Variants in DOK7 observed in about 807,000 individuals in gnomAD.
DOK7 encodes protein Dok-7.
In DOK7, 32 loss-of-function variants were observed where a neutral mutation model predicts 30.7. The ratio of observed to expected loss-of-function variants is 1.04; its 90% confidence interval spans 0.79 to 1.40. The LOEUF is 1.40. DOK7 is among the 40% of genes most tolerant of loss of function. The pLI, the probability that DOK7 is intolerant of heterozygous loss-of-function variation, is 0.00. For missense variants in DOK7, 1,007 were observed against 699.2 expected (o/e 1.44, Z -4.97); for synonymous variants, 447 against 324.1 (o/e 1.38, Z -4.07).
intron 2 of DOK7, among the ~76,000 whole-genome samples, chr4:3,466,540 C>A (rs1726276287): frequency 6.6e-6 from 1 of 152,204 alleles, no homozygotes; most frequent in South Asian, 2.1e-4. Context: ...GGGCTGACAT[C>A]CCAGCTCCGG....
intron 2 of DOK7, among the ~76,000 whole-genome samples, chr4:3,472,839 G>A (rs891939727): frequency 6.7e-5 from 10 of 148,852 alleles, no homozygotes; most frequent in African/African-American, 2.6e-4. Context: ...CCGGGTGGAT[G>A]GGGATGGGAC....
intron 5 of DOK7, among the ~76,000 whole-genome samples, chr4:3,489,088 G>A (rs1727997602): frequency 6.6e-6 from 1 of 152,194 alleles, no homozygotes; most frequent in Non-Finnish European, 1.5e-5. Flanking sequence ...GAATAGAGAA[G>A]GCGAGGCTGG....
At chr4:3,492,645 A>AG in intron 6 of DOK7, 114 bp from the exon 7 acceptor site, 5 of 1,457,666 alleles carry the variant, frequency 3.4e-6, no homozygotes, top group Non-Finnish European at 4.7e-6. Context: ...GGGGGCTGGA[A>AG]GGGGTGGGGC....
downstream of DOK7, among the ~76,000 whole-genome samples, chr4:3,496,226 T>C (rs1030525502): frequency 6.6e-6 from 1 of 152,224 alleles, no homozygotes; most frequent in Non-Finnish European, 1.5e-5. Flanking sequence ...GGCACCCCGT[T>C]AGGCACGGCC....
At chr4:3,499,962 G>A (rs558100100) in intron 6 of DOK7, among the ~76,000 whole-genome samples, 5 of 151,850 alleles carry the variant, frequency 3.3e-5, no homozygotes, top group African/African-American at 9.7e-5. Context: ...GGGGCCCATG[G>A]GGGGGTCGGC....
chr4:3,464,922 C>T (rs1006059168), intron 2 of DOK7, among the ~76,000 whole-genome samples: 2 of 152,198 alleles, frequency 1.3e-5, no homozygotes, highest in Non-Finnish European at 2.9e-5. Flanking sequence ...TGTAGGTGAA[C>T]ATGGTGGCTC....
chr4:3,493,512 T>C lies in DOK7; in HGVS notation c.*11T>C. 1.9e-6 allele frequency: 3 copies of C among 1,609,840 alleles called. No individual in the cohort carries two copies. Among genetic ancestry groups the C allele is most frequent in the Non-Finnish European group, 8.5e-7 (1 of 1,178,690 alleles). On this transcript the variant is annotated 3_prime_UTR_variant, in exon 7 of 7. Transcript: ENST00000340083. Reference sequence around the variant, plus strand: ...AACCCCCCTCCTTGAGAGCCGCAGATCCCGCCCCGCGGCTGCAAAGGGGCT... The same window carrying C: ...AACCCCCCTCCTTGAGAGCCGCAGACCCCGCCCCGCGGCTGCAAAGGGGCT...
chr4:3,467,109 C>G (rs1307000130), intron 2 of DOK7, among the ~76,000 whole-genome samples: 1 of 152,222 alleles, frequency 6.6e-6, no homozygotes, highest in Admixed American at 6.5e-5. Context: ...AAGGGCACAG[C>G]CTCAAGGTCA....
chr4:3,473,270 C>G (rs1467917880), intron 2 of DOK7, 136 bp from the exon 3 acceptor site: 1 of 793,906 alleles, frequency 1.3e-6, no homozygotes, highest in Non-Finnish European at 2.1e-6. Context: ...GGAGTCGAAG[C>G]CTTGGCATGG....
At chr4:3,472,820 G>C (rs1445460863) in intron 2 of DOK7, among the ~76,000 whole-genome samples, 1 of 148,646 alleles carries the variant, frequency 6.7e-6, no homozygotes, top group African/African-American at 2.6e-5. Flanking sequence ...CTGCTGTGCT[G>C]GGCAGTGGCC....
downstream of DOK7, among the ~76,000 whole-genome samples, chr4:3,498,351 G>A (rs1364574810): frequency 6.6e-6 from 1 of 152,066 alleles, no homozygotes; most frequent in Non-Finnish European, 1.5e-5. Flanking sequence ...GCCCCCGTGT[G>A]ACTCCGGGTG....
chr4:3,493,345 C>T lies in DOK7; in HGVS notation c.1359C>T (p.Gly453=), dbSNP rs369500357. Residue 453 remains glycine, a synonymous_variant, in exon 7 of 7, where the codon GGC becomes GGT. Coordinates refer to ENST00000340083, the MANE Select transcript of DOK7 (RefSeq NM_173660.5). Reference sequence around the variant, plus strand: ...GCTGGCTGGGCACGAGACGGCGGGGCCTGGTGATGGAGGCCCCCCAGGGCA... The same window carrying T: ...GCTGGCTGGGCACGAGACGGCGGGGTCTGGTGATGGAGGCCCCCCAGGGCA... ...PSGWLGTRRR[G]LVMEAPQGSE... is the part of the protein sequence containing the mutation. The T allele has an allele frequency of 2.6e-5, 42 of 1,599,230 alleles. No homozygotes were observed. Among genetic ancestry groups the T allele is most frequent in the Non-Finnish European group, 3.6e-5 (42 of 1,173,240 alleles).
At chr4:3,477,834 G>T (rs529787535) in intron 4 of DOK7, among the ~76,000 whole-genome samples, 1 of 151,552 alleles carries the variant, frequency 6.6e-6, no homozygotes, top group Non-Finnish European at 1.5e-5. Context: ...GGTGCGGGGG[G>T]TGGGGTGGGG....
downstream of DOK7, chr4:3,496,908 G>T (rs746238045): frequency 6.5e-7 from 1 of 1,527,440 alleles, no homozygotes; most frequent in South Asian, 1.2e-5. Context: ...ACAGGAAGGC[G>T]GGAGTCTGGG....
chr4:3,497,769 G>C (rs1024779153), downstream of DOK7, among the ~76,000 whole-genome samples: 2 of 152,086 alleles, frequency 1.3e-5, no homozygotes, highest in African/African-American at 4.8e-5. Flanking sequence ...GGCAGGCAGG[G>C]GCAGCTTGGG....
In DOK7 at chr4:3,467,647, TGA is replaced by T. The variant is rs373649396; in HGVS notation, c.100+4098_100+4099del. 4.3e-3 allele frequency among the ~76,000 whole-genome samples: 646 copies of T among 151,876 alleles called. 7 individuals carry two copies. Among genetic ancestry groups the T allele is most frequent in the African/African-American group, 0.015 (608 of 41,408 alleles). ...GTGTGAGCAAGTGTGAGCATTTGGG[TGA>T]GTGTGTAAGAGTGAATGTGTGAGTG... On this transcript the variant is annotated intron_variant, in intron 2 of 6. Coordinates refer to ENST00000340083, the MANE Select transcript of DOK7 (RefSeq NM_173660.5).
chr4:3,489,191 C>G (rs1728005802), intron 5 of DOK7, among the ~76,000 whole-genome samples: 1 of 152,110 alleles, frequency 6.6e-6, no homozygotes, highest in Admixed American at 6.5e-5. Context: ...GTATGAGTCT[C>G]CATCCGAGAC....
At chr4:3,477,601 C>T (rs540110466) in intron 4 of DOK7, among the ~76,000 whole-genome samples, 103 of 152,358 alleles carry the variant, frequency 6.8e-4, no homozygotes, top group Non-Finnish European at 1.4e-3. Context: ...TTTGAGGAGA[C>T]GACATCTGAC....
chr4:3,488,497 G>T (rs1365005132), intron 5 of DOK7, among the ~76,000 whole-genome samples: 1 of 152,236 alleles, frequency 6.6e-6, no homozygotes, highest in Non-Finnish European at 1.5e-5. Flanking sequence ...CGCTGACCAT[G>T]GGGTCGGGAC....
Sources: gnomAD v4.1 joint callset for allele counts (sites outside exome capture counted in the v4.1 genomes callset) on GRCh38, gnomAD v4.1.1 for gene constraint, MANE v1.5 for transcripts, NCBI Gene and HGNC (gene_info 2026-07-23, HGNC 2026-07-21) for gene names.